COA8: variants seen among roughly 807,000 people sequenced by gnomAD.
COA8 encodes UPF0671 protein C14orf153.
COA8 carries 20 observed loss-of-function variants against 22.0 expected under a neutral mutation model. The ratio of observed to expected loss-of-function variants is 0.91; its 90% confidence interval spans 0.64 to 1.32. The LOEUF (loss-of-function observed/expected upper bound fraction) is 1.32, where lower values mean the gene tolerates loss of function less well. Among genes scored for constraint, COA8 ranks in the 40% most tolerant of loss-of-function variants. The pLI is 0.00. For missense variants in COA8, 266 were observed against 230.0 expected (o/e 1.16, Z -1.01); for synonymous variants, 105 against 79.9 (o/e 1.31, Z -1.68).
chr14:103,571,205 A>T (rs985760541), intron 1 of COA8, among the ~76,000 whole-genome samples: 2 of 151,810 alleles, frequency 1.3e-5, no homozygotes, highest in Non-Finnish European at 2.9e-5. Flanking sequence ...ATCTCCACTA[A>T]AAAATACAAA....
intron 3 of COA8, among the ~76,000 whole-genome samples, chr14:103,578,787 A>G (rs1366410783): frequency 6.6e-6 from 1 of 152,146 alleles, no homozygotes; most frequent in Admixed American, 6.5e-5. Flanking sequence ...CGCCCATGTC[A>G]ATGGAGTCAG....
At chr14:103,582,023 T>C (rs2076271130) in intron 3 of COA8, among the ~76,000 whole-genome samples, 1 of 152,172 alleles carries the variant, frequency 6.6e-6, no homozygotes, top group East Asian at 1.9e-4. Flanking sequence ...TGCGCTCTGC[T>C]GAAGGTGGCA....
Position 103,587,383 on chromosome 14 carries a change from C to T in COA8, c.476+19C>T, listed in dbSNP as rs182242924. The T allele has an allele frequency of 2.0e-3, 3,116 of 1,570,716 alleles. 9 individuals are homozygous for T. Among genetic ancestry groups the T allele is most frequent in the Middle Eastern group, 4.9e-3 (29 of 5,920 alleles). Reference sequence around the variant, plus strand: ...ATAACAGGTAGGTGTTTACTCTTTTCCTGAAAATTTGAATAGCACATCCAG... The same window carrying T: ...ATAACAGGTAGGTGTTTACTCTTTTTCTGAAAATTTGAATAGCACATCCAG... On this transcript the variant is annotated intron_variant, in intron 4 of 4. Coordinates refer to ENST00000409074, the MANE Select transcript of COA8 (RefSeq NM_001370595.2).
chr14:103,589,937 G>T (rs1482444872), intron 4 of COA8, among the ~76,000 whole-genome samples: 1 of 152,104 alleles, frequency 6.6e-6, no homozygotes, highest in Non-Finnish European at 1.5e-5. Flanking sequence ...ACCAAAGGAG[G>T]ATGGTGGCGG....
chr14:103,575,306 T>G (rs2076222784), intron 3 of COA8, among the ~76,000 whole-genome samples: 2 of 152,236 alleles, frequency 1.3e-5, no homozygotes, highest in Admixed American at 6.5e-5. Context: ...TTGTTTTGAT[T>G]CTTACTAAGG....
intron 1 of COA8, among the ~76,000 whole-genome samples, chr14:103,566,487 T>G (rs993414197): frequency 6.6e-6 from 1 of 152,226 alleles, no homozygotes; most frequent in Non-Finnish European, 1.5e-5. Context: ...GTCTCATGTA[T>G]TTTTGAAAAC....
At chr14:103,577,803 T>G (rs1364699506) in intron 3 of COA8, among the ~76,000 whole-genome samples, 1 of 151,966 alleles carries the variant, frequency 6.6e-6, no homozygotes, top group Non-Finnish European at 1.5e-5. Context: ...GGCAGGCGGA[T>G]CACCTGAGGT....
chr14:103,583,197 A>G (rs1351186869), intron 3 of COA8, among the ~76,000 whole-genome samples: 2 of 152,120 alleles, frequency 1.3e-5, no homozygotes, highest in African/African-American at 4.8e-5. Flanking sequence ...ATTATGAATT[A>G]TGCTACTGTG....
chr14:103,574,105 AGGAAAAAGAAG>A lies in COA8; in HGVS notation c.322-1_331del. On this transcript the variant is annotated splice_acceptor_variant and coding_sequence_variant, in exon 3 of 5. Coordinates refer to ENST00000409074, the MANE Select transcript of COA8 (RefSeq NM_001370595.2). LOFTEE classifies it high-confidence loss of function. The stretch of plus-strand genomic sequence containing the variant: ...TTTTTTTTTTTTTTTTTTTTTTTTA[AGGAAAAAGAAG>A]AATTTATTCACTCAAGACTAAAAAC... 2.6e-6 allele frequency: 3 copies of A among 1,138,102 alleles called. No individual in the cohort carries two copies. The highest frequency in any genetic ancestry group is 3.6e-6 in the Non-Finnish European group (3 of 837,496). 70.5% of individuals were successfully genotyped at this position (1,138,102 alleles called of 1,614,324 possible).
At position 103,582,574 on chromosome 14, in the gene COA8, G is replaced by A. The variant is rs914045479; in HGVS notation, c.386-4700G>A. On this transcript the variant is annotated intron_variant, in intron 3 of 4. Transcript: ENST00000409074. ...GGACACATTTCATTCCCGTGTAGCGGTGGCTCCCAGTTCCTCCGCAGAACC... is the reference window on the plus strand; with the variant it reads ...GGACACATTTCATTCCCGTGTAGCGATGGCTCCCAGTTCCTCCGCAGAACC... Among the ~76,000 whole-genome samples, 3 of 152,152 alleles carry A rather than the reference G, an allele frequency of 2.0e-5. No homozygotes were observed. The South Asian group carries it at 6.2e-4, about 32-fold the overall frequency.
intron 1 of COA8, 27 bp from the exon 2 acceptor site, chr14:103,571,596 A>G: frequency 6.4e-7 from 1 of 1,568,704 alleles, no homozygotes; most frequent in Non-Finnish European, 8.8e-7. Context: ...ATTTTGTCAT[A>G]TGTTAATCCA....
intron 2 of COA8, among the ~76,000 whole-genome samples, chr14:103,573,856 T>A (rs961654127): frequency 3.3e-5 from 5 of 152,160 alleles, no homozygotes; most frequent in African/African-American, 9.6e-5. Context: ...CCTGACCTAT[T>A]CTGTGGATTT....
intron 3 of COA8, among the ~76,000 whole-genome samples, chr14:103,585,865 TGCCCG>T (rs1392212504): frequency 6.7e-6 from 1 of 150,126 alleles, no homozygotes; most frequent in Non-Finnish European, 1.5e-5. Flanking sequence ...TGAGCCACCA[TGCCCG>T]GCCCGGCCCT....
In COA8 at chr14:103,590,668, G is replaced by T. The variant is rs1423189180; in HGVS notation, c.*382G>T. Reference sequence around the variant, plus strand: ...GGATCACTTGAGATCAGGAGTTCAAGATCAGTCTGGACAACATGGCAAAAC... The same window carrying T: ...GGATCACTTGAGATCAGGAGTTCAATATCAGTCTGGACAACATGGCAAAAC... On this transcript the variant is annotated 3_prime_UTR_variant, in exon 5 of 5. Coordinates refer to ENST00000409074, the MANE Select transcript of COA8 (RefSeq NM_001370595.2). The T allele has an allele frequency of 1.1e-5, 2 of 178,764 alleles. No individual in the cohort carries two copies. The allele number at this position is 178,764 out of a possible 1,614,324, so 11.1% of individuals were successfully genotyped here.
At chr14:103,587,499 TC>T in intron 4 of COA8, 135 bp downstream of exon 4, 1 of 505,274 alleles carries the variant, frequency 2.0e-6, no homozygotes. Context: ...CTTTTTTTTT[TC>T]TTTTTTTCTT....
intron 3 of COA8, among the ~76,000 whole-genome samples, chr14:103,579,697 T>C (rs1385566255): frequency 1.4e-5 from 2 of 144,770 alleles, no homozygotes; most frequent in Non-Finnish European, 3.0e-5. Context: ...GCACGGTGGC[T>C]CACGCCTGTA....
intron 1 of COA8, among the ~76,000 whole-genome samples, chr14:103,571,006 T>C (rs1043094950): frequency 6.6e-6 from 1 of 151,906 alleles, no homozygotes; most frequent in African/African-American, 2.4e-5. Context: ...AAAAGATATC[T>C]CAAAAAGCCA....
intron 2 of COA8, among the ~76,000 whole-genome samples, chr14:103,572,660 G>A (rs1262232636): frequency 6.6e-6 from 1 of 151,992 alleles, no homozygotes; most frequent in African/African-American, 2.4e-5. Flanking sequence ...AACCCAGGAG[G>A]CGGAGGTTGC....
In COA8 at chr14:103,563,020, G is replaced by T. The variant is rs2076097374; in HGVS notation, c.19G>T (p.Gly7Trp). Reference protein sequence around the residue: MVVLRAGKKTFLPPLCR... With the variant: MVVLRAWKKTFLPPLCR... ...TGGGGCCATGGTGGTCTTGCGGGCG[G>T]GGAAGAAGACCTTTCTCCCCCCTCT... Residue 7 changes from glycine (G) to tryptophan (W), a missense_variant, in exon 1 of 5, where the codon GGG becomes TGG. Coordinates refer to ENST00000409074, the MANE Select transcript of COA8 (RefSeq NM_001370595.2). 6.4e-7 allele frequency: 1 copy of T among 1,557,548 alleles called. No individual in the cohort carries two copies. Among genetic ancestry groups the T allele is most frequent in the Non-Finnish European group, 8.6e-7 (1 of 1,157,642 alleles).
Sources: gnomAD v4.1 joint callset for allele counts (sites outside exome capture counted in the v4.1 genomes callset) on GRCh38, gnomAD v4.1.1 for gene constraint, MANE v1.5 for transcripts, NCBI Gene and HGNC (gene_info 2026-07-23, HGNC 2026-07-21) for gene names.